Variants in FHOD3 observed in about 807,000 individuals in gnomAD.
The protein encoded by FHOD3 is formin homology 2 domain containing 3, also known as FH1/FH2 domain-containing protein 3.
A neutral mutation model predicts 173.0 loss-of-function variants in FHOD3; 90 were observed. The observed-to-expected ratio is 0.52, with a 90% confidence interval of 0.44 to 0.62. The LOEUF is 0.62. Among genes scored for constraint, FHOD3 ranks in the 20% least tolerant of loss-of-function variants. FHOD3 has a pLI of 0.00. For synonymous variants in FHOD3, 828 were observed against 823.0 expected, an observed-to-expected ratio of 1.01 and a Z score of -0.10; for missense variants, 1,945 against 2,034.7, an observed-to-expected ratio of 0.96 and a Z score of 0.85.
At position 36,697,640 on chromosome 18, in the gene FHOD3, A is replaced by T. The variant is rs2039360587; in HGVS notation, c.2236+4217A>T. On this transcript the variant is annotated intron_variant, in intron 17 of 28. Coordinates refer to ENST00000590592, the MANE Select transcript of FHOD3 (RefSeq NM_001281740.3). ...AATGTCTGATTGTTTGGCCCTGGGG[A>T]TATATACGGCCTATATGGCCATGGC... Among the ~76,000 whole-genome samples, 3 of 152,108 alleles carry T rather than the reference A, an allele frequency of 2.0e-5. No individual in the cohort carries two copies. In the South Asian group the frequency reaches 6.2e-4, roughly 32 times the overall value.
rs145042187 is a variant in FHOD3 at position 36,757,564 on chromosome 18, G to C, written c.4426-1554G>C. ...CCCCCTGAACGTTGGAGCTAGAAGA[G>C]ATTTTAGAGAAAACTGTTTGTAGTA... On this transcript the variant is annotated intron_variant, in intron 25 of 28. Transcript: ENST00000590592. Among the ~76,000 whole-genome samples, 305 of 152,320 alleles carry C rather than the reference G, an allele frequency of 2.0e-3. 1 individual carries two copies. Among genetic ancestry groups the C allele is most frequent in the African/African-American group, 7.0e-3 (289 of 41,568 alleles).
chr18:36,469,456 G>A (rs1219970031), intron 3 of FHOD3, among the ~76,000 whole-genome samples: 3 of 112,700 alleles, frequency 2.7e-5, no homozygotes, highest in Admixed American at 9.8e-5. Context: ...AGCATTTGTT[G>A]CTCCCCTGAT....
chr18:36,536,685 G>A (rs778407548), intron 5 of FHOD3, among the ~76,000 whole-genome samples: 30 of 152,126 alleles, frequency 2.0e-4, no homozygotes, highest in Non-Finnish European at 4.0e-4. Flanking sequence ...GATCAAAGGA[G>A]GGAGGAGAGT....
chr18:36,703,912 G>A (rs945650253), intron 17 of FHOD3, among the ~76,000 whole-genome samples: 2 of 152,102 alleles, frequency 1.3e-5, no homozygotes, highest in Non-Finnish European at 2.9e-5. Flanking sequence ...ATGTTGATGG[G>A]TTCCCATCCT....
chr18:36,449,960 G>A (rs1014376728), intron 3 of FHOD3, among the ~76,000 whole-genome samples: 1 of 152,030 alleles, frequency 6.6e-6, no homozygotes, highest in South Asian at 2.1e-4. Flanking sequence ...GGAACAGGTG[G>A]TGTTTGGTTA....
chr18:36,514,365 ATCGCAGCCGTCTGTGTG>A (rs1168136904), intron 5 of FHOD3, among the ~76,000 whole-genome samples: 2 of 152,130 alleles, frequency 1.3e-5, no homozygotes, highest in African/African-American at 4.8e-5. Flanking sequence ...GTTGCATCTA[ATCGCAGCCGTCTGTGTG>A]TCTAAAGAGA....
intron 10 of FHOD3, among the ~76,000 whole-genome samples, chr18:36,643,670 G>T (rs548769449): frequency 1.1e-4 from 17 of 152,126 alleles, no homozygotes; most frequent in African/African-American, 4.1e-4. Context: ...TCTCACTGTG[G>T]CCTTAATTCA....
At chr18:36,666,568 A>G (rs908402052) in intron 14 of FHOD3, among the ~76,000 whole-genome samples, 3 of 151,954 alleles carry the variant, frequency 2.0e-5, no homozygotes, top group Admixed American at 2.0e-4. Context: ...ATTATTTTTG[A>G]CCTCTAAGTC....
intron 3 of FHOD3, among the ~76,000 whole-genome samples, chr18:36,402,952 G>A (rs899162297): frequency 1.3e-5 from 2 of 152,216 alleles, no homozygotes; most frequent in African/African-American, 4.8e-5. Flanking sequence ...CAAGTTAGAC[G>A]CTTAAGCTGG....
At chr18:36,587,166 C>T (rs1383662758) in intron 6 of FHOD3, among the ~76,000 whole-genome samples, 2 of 152,268 alleles carry the variant, frequency 1.3e-5, no homozygotes, top group South Asian at 4.2e-4. Context: ...GGGGGAACTT[C>T]TCAAAGTAGA....
chr18:36,470,559 T>C (rs1261042265), intron 3 of FHOD3, among the ~76,000 whole-genome samples: 1 of 152,190 alleles, frequency 6.6e-6, no homozygotes, highest in African/African-American at 2.4e-5. Flanking sequence ...ACCTATATGG[T>C]TGTATAATTA....
intron 3 of FHOD3, among the ~76,000 whole-genome samples, chr18:36,410,602 TC>T (rs1381746001): frequency 1.3e-5 from 2 of 152,184 alleles, no homozygotes; most frequent in Non-Finnish European, 2.9e-5. Flanking sequence ...CCATTCACAT[TC>T]CCACTGGTAA....
rs1389736755 is a variant in FHOD3 at position 36,474,984 on chromosome 18, CAT to C, written c.338-26946_338-26945del. Among the ~76,000 whole-genome samples, 290 of 88,348 alleles carry C rather than the reference CAT, an allele frequency of 3.3e-3. 1 individual carries two copies. The highest frequency in any genetic ancestry group is 0.017 in the Admixed American group (131 of 7,808). 58.0% of individuals were successfully genotyped at this position (88,348 alleles called of 152,430 possible). ...CTTTTGAAGAGGTTGAAAATACACACATACACACACACACACACACACACACA... is the reference window on the plus strand; with the variant it reads ...CTTTTGAAGAGGTTGAAAATACACACACACACACACACACACACACACACA... On this transcript the variant is annotated intron_variant, in intron 3 of 28. Coordinates refer to ENST00000590592, the MANE Select transcript of FHOD3 (RefSeq NM_001281740.3).
chr18:36,314,722 C>T (rs1282501647), intron 1 of FHOD3, among the ~76,000 whole-genome samples: 4 of 152,174 alleles, frequency 2.6e-5, no homozygotes, highest in African/African-American at 4.8e-5. Flanking sequence ...ACTTTCAATG[C>T]GTGCAGCCTG....
chr18:36,550,753 A>G (rs1209340615), intron 5 of FHOD3, among the ~76,000 whole-genome samples: 1 of 152,116 alleles, frequency 6.6e-6, no homozygotes. Flanking sequence ...CATACAACTT[A>G]ATTTTATGTA....
intron 3 of FHOD3, among the ~76,000 whole-genome samples, chr18:36,453,252 T>A (rs2051971117): frequency 6.6e-6 from 1 of 152,216 alleles, no homozygotes; most frequent in African/African-American, 2.4e-5. Context: ...GCTTAATGCA[T>A]CTCTGGGTAT....
chr18:36,567,576 T>TACTC (rs1185511331), intron 5 of FHOD3, among the ~76,000 whole-genome samples: 7 of 152,276 alleles, frequency 4.6e-5, no homozygotes, highest in African/African-American at 1.2e-4. Flanking sequence ...AAGGATAAAA[T>TACTC]AGAGCAACTA....
chr18:36,431,612 C>G (rs987173225), intron 3 of FHOD3, among the ~76,000 whole-genome samples: 23 of 152,300 alleles, frequency 1.5e-4, no homozygotes, highest in African/African-American at 4.8e-4. Flanking sequence ...TTAGTGGCCT[C>G]TAAGGTCCCT....
At chr18:36,557,081 G>A (rs912004252) in intron 5 of FHOD3, among the ~76,000 whole-genome samples, 1 of 151,946 alleles carries the variant, frequency 6.6e-6, no homozygotes, top group African/African-American at 2.4e-5. Flanking sequence ...TCTATTTTCT[G>A]TTCTTCTGTA....
Sources: gnomAD v4.1 joint callset for allele counts (sites outside exome capture counted in the v4.1 genomes callset) on GRCh38, gnomAD v4.1.1 for gene constraint, MANE v1.5 for transcripts, NCBI Gene and HGNC (gene_info 2026-07-23, HGNC 2026-07-21) for gene names.